Variants in SDAD1 observed in about 807,000 individuals in gnomAD.
SDAD1 encodes the protein protein SDA1 homolog.
Under a neutral mutation model 100.3 loss-of-function variants are expected in SDAD1, and 79 were observed. That is an observed-to-expected ratio of 0.79 (90% CI 0.66 to 0.95). The LOEUF is 0.95. Among genes scored for constraint, SDAD1 ranks in the 40% least tolerant of loss-of-function variants. The probability of loss-of-function intolerance (pLI) is 0.00; values close to 1 mark genes in which losing one functional copy is unlikely to be tolerated. For synonymous variants in SDAD1, 267 were observed against 271.4 expected, an observed-to-expected ratio of 0.98 and a Z score of 0.16; for missense variants, 790 against 810.9, an observed-to-expected ratio of 0.97 and a Z score of 0.31.
In SDAD1 at chr4:75,977,699, G is replaced by T. The variant is rs1165813013; in HGVS notation, c.352C>A (p.Leu118Met). 2.5e-6 allele frequency: 4 copies of T among 1,613,456 alleles called. No homozygotes were observed. The South Asian group carries it at 4.4e-5, about 18-fold the overall frequency. Residue 118 changes from leucine to methionine, a missense_variant, in exon 4 of 22, where the codon CTG becomes ATG. Transcript: ENST00000356260. ...AAAAGTTCAAAGAAGAGTTCTAGCA[G>T]GCTTGATGGATTGATGAGATTCTTA... ...RNKNLINPSS[L>M]LELFFELFRC...
rs1051596389 is a variant in SDAD1 at position 75,974,215 on chromosome 4, A to G, written c.579-82T>C. 1.6e-5 allele frequency: 18 copies of G among 1,118,994 alleles called. No individual in the cohort carries two copies. The Admixed American group carries it at 2.6e-4, about 16-fold the overall frequency. 69.3% of individuals were successfully genotyped at this position (1,118,994 alleles called of 1,614,324 possible). On this transcript the variant is annotated intron_variant, in intron 6 of 21. Transcript: ENST00000356260. ...CACAGACAATGGCACAAAATAAATG[A>G]TATAACAAATGTTTGTGACGTACTA... is the stretch of plus-strand genomic sequence containing the variant.
At chr4:75,986,029 G>A (rs1466830939) in intron 1 of SDAD1, among the ~76,000 whole-genome samples, 3 of 152,144 alleles carry the variant, frequency 2.0e-5, no homozygotes, top group African/African-American at 7.2e-5. Context: ...TTGGTAAAAT[G>A]CCCACCCTGT....
intron 13 of SDAD1, among the ~76,000 whole-genome samples, chr4:75,965,181 C>T (rs915900696): frequency 3.9e-5 from 6 of 152,112 alleles, no homozygotes; most frequent in African/African-American, 1.2e-4. Context: ...CTGAAATGGC[C>T]GCTCTAGGGA....
intron 12 of SDAD1, among the ~76,000 whole-genome samples, chr4:75,966,342 T>C (rs1048145116): frequency 3.3e-5 from 5 of 150,742 alleles, no homozygotes; most frequent in Admixed American, 1.3e-4. Context: ...CAGCATAGCA[T>C]AGGTAACAAA....
At chr4:75,966,187 C>T (rs750308815) in intron 12 of SDAD1, among the ~76,000 whole-genome samples, 5 of 151,120 alleles carry the variant, frequency 3.3e-5, no homozygotes, top group East Asian at 3.9e-4. Context: ...CCTTGTTTTA[C>T]GTTTACTGTG....
intron 17 of SDAD1, 86 bp downstream of exon 17, chr4:75,959,980 G>A: frequency 7.4e-7 from 1 of 1,354,374 alleles, no homozygotes; most frequent in Non-Finnish European, 9.9e-7. Context: ...TCTGCTGAAT[G>A]AATGTTCAAA....
intron 7 of SDAD1, among the ~76,000 whole-genome samples, chr4:75,973,602 GCT>G (rs1273727143): frequency 1.3e-5 from 2 of 151,970 alleles, no homozygotes; most frequent in Non-Finnish European, 2.9e-5. Flanking sequence ...AAACTGCTAG[GCT>G]CTATATAGTT....
chr4:75,986,922 G>A (rs1730933184), intron 1 of SDAD1, among the ~76,000 whole-genome samples: 1 of 152,178 alleles, frequency 6.6e-6, no homozygotes, highest in South Asian at 2.1e-4. Context: ...GGAGGCTGAG[G>A]CGGGAGGATT....
At chr4:75,973,425 A>C (rs1415415419) in intron 7 of SDAD1, 34 bp from the exon 8 acceptor site, 3 of 1,462,450 alleles carry the variant, frequency 2.1e-6, no homozygotes. Context: ...CAGCTACTTG[A>C]TTCAGCTTAA....
At chr4:75,958,157 T>C (rs1330894776) in intron 17 of SDAD1, among the ~76,000 whole-genome samples, 1 of 152,190 alleles carries the variant, frequency 6.6e-6, no homozygotes, top group African/African-American at 2.4e-5. Flanking sequence ...AGTCAAAACC[T>C]TACAATCACT....
At chr4:75,952,965 G>A (rs1162133238) in intron 21 of SDAD1, among the ~76,000 whole-genome samples, 1 of 151,930 alleles carries the variant, frequency 6.6e-6, no homozygotes, top group Non-Finnish European at 1.5e-5. Context: ...TGATATATGT[G>A]GTTCATATTA....
intron 8 of SDAD1, among the ~76,000 whole-genome samples, chr4:75,971,688 T>G (rs538443033): frequency 6.6e-6 from 1 of 152,122 alleles, no homozygotes; most frequent in African/African-American, 2.4e-5. Flanking sequence ...CTGGCCAACA[T>G]AGCAAAACTG....
At chr4:75,954,139 T>C (rs1250092956) in intron 21 of SDAD1, among the ~76,000 whole-genome samples, 1 of 152,028 alleles carries the variant, frequency 6.6e-6, no homozygotes, top group African/African-American at 2.4e-5. Flanking sequence ...CCCAGCACTT[T>C]GGGAGACCGA....
At chr4:75,964,354 AG>A in intron 13 of SDAD1, 143 bp from the exon 14 acceptor site, 1 of 639,056 alleles carries the variant, frequency 1.6e-6, no homozygotes, top group Non-Finnish European at 2.7e-6. Flanking sequence ...ATCAAGATTA[AG>A]GAAGACAGAA....
At chr4:75,960,947 T>C in intron 16 of SDAD1, 81 bp downstream of exon 16, 1 of 1,098,998 alleles carries the variant, frequency 9.1e-7, no homozygotes, top group Non-Finnish European at 1.4e-6. Context: ...GCATCATAAG[T>C]ACTAAAATCC....
chr4:75,972,088 G>A (rs1452110772), intron 8 of SDAD1, among the ~76,000 whole-genome samples: 5 of 151,818 alleles, frequency 3.3e-5, no homozygotes, highest in Admixed American at 3.3e-4. Flanking sequence ...ACAGGCACAC[G>A]CCACCATGTC....
At chr4:75,987,037 T>G (rs1730942327) in intron 1 of SDAD1, among the ~76,000 whole-genome samples, 1 of 152,136 alleles carries the variant, frequency 6.6e-6, no homozygotes, top group Non-Finnish European at 1.5e-5. Flanking sequence ...AATCCTTTCT[T>G]GATTCCACTT....
rs1355953407 is a variant in SDAD1, at chr4:75,950,377, A to AACTATTTAC, written c.*364_*372dup. The AACTATTTAC allele has an allele frequency of 5.7e-6, 1 of 175,376 alleles. No individual in the cohort carries two copies. The highest frequency in any genetic ancestry group is 1.2e-5 in the Non-Finnish European group (1 of 81,750). The allele number at this position is 175,376 out of a possible 1,614,324, so 10.9% of individuals were successfully genotyped here. ...AATATGGAGTTAACCTCTACTACAG[A>AACTATTTAC]ACTATTTACACTGCACTGTAAATAC... On this transcript the variant is annotated 3_prime_UTR_variant, in exon 22 of 22. Transcript: ENST00000356260.
intron 13 of SDAD1, among the ~76,000 whole-genome samples, chr4:75,964,553 T>C (rs377064308): frequency 1.1e-5 from 1 of 90,710 alleles, no homozygotes; most frequent in Non-Finnish European, 2.7e-5. Context: ...GACGTACAAC[T>C]GAACTTCTGT....
Sources: allele counts gnomAD v4.1 joint callset (sites outside exome capture counted in the v4.1 genomes callset), GRCh38; gene constraint gnomAD v4.1.1; transcripts MANE v1.5; gene names NCBI Gene and HGNC (gene_info 2026-07-23, HGNC 2026-07-21).